The following IGSF9B variants were observed in gnomAD, a reference collection of about 807,000 sequenced individuals.
The protein encoded by IGSF9B is immunoglobulin superfamily member 9B, also known as protein turtle homolog B.
In IGSF9B, 48 loss-of-function variants were observed where a neutral mutation model predicts 143.7. The ratio of observed to expected loss-of-function variants is 0.33; its 90% CI spans 0.26 to 0.42. IGSF9B has a LOEUF of 0.42. Among genes scored for constraint, IGSF9B ranks in the 20% least tolerant of loss-of-function variants. The pLI, the probability that IGSF9B is intolerant of heterozygous loss-of-function variation, is 1.00. For missense variants in IGSF9B, 1,706 were observed against 1,980.0 expected (o/e 0.86, Z 2.63); for synonymous variants, 903 against 833.1 (o/e 1.08, Z -1.44).
At chr11:133,915,989 C>T (rs1009517351) in intron 18 of IGSF9B, among the ~76,000 whole-genome samples, 5 of 152,226 alleles carry the variant, frequency 3.3e-5, no homozygotes, top group African/African-American at 1.2e-4. Context: ...CGGACTCAGA[C>T]CAGTGCTCTG....
At position 133,931,383 on chromosome 11, in the gene IGSF9B, T is replaced by TC. The variant is rs34197169; in HGVS notation, c.1368+69dup. 8.5e-7 allele frequency: 1 copy of TC among 1,169,942 alleles called. No individual in the cohort carries two copies. The highest frequency in any genetic ancestry group is 1.4e-5 in the South Asian group (1 of 72,958). 72.5% of individuals were successfully genotyped at this position (1,169,942 alleles called of 1,614,324 possible). The stretch of plus-strand genomic sequence containing the variant: ...CCGGGGCTCGCTGGGCCCTCAAACC[T>TC]CCCCGCAGCCCCAGGGCTCCCTGGG... On this transcript the variant is annotated intron_variant, in intron 10 of 19. Transcript: ENST00000533871. The surrounding 1 kb of genome is among the most constrained non-coding windows in gnomAD (Gnocchi z 7.7).
At chr11:133,952,060 G>T (rs767687735) in intron 1 of IGSF9B, 2 of 455,608 alleles carry the variant, frequency 4.4e-6, no homozygotes. Context: ...TCTCAGAAAG[G>T]ACAGTCAGGC....
rs1939488779 is a variant in IGSF9B, at chr11:133,920,078, G to A, written c.3647C>T (p.Pro1216Leu). 2 of 1,533,412 alleles carry A rather than the reference G, an allele frequency of 1.3e-6. No individual in the cohort carries two copies. Among genetic ancestry groups the A allele is most frequent in the African/African-American group, 2.8e-5 (2 of 72,098 alleles). The allele number at this position is 1,533,412 out of a possible 1,614,324, so 95.0% of individuals were successfully genotyped here. A position where few individuals can be genotyped will look rare whatever the true frequency, so the allele number is the denominator to read the frequency against. ...AGGCCGGGCACGGGCGGCGAGCTCA[G>A]GGGAGCCGGTGCGGGAGCTGAGGGG... ...QSPLSSRTGS[P>L]ELAARARPRP... is the part of the protein sequence containing the mutation. Residue 1216 changes from proline to leucine, a missense_variant, in exon 18 of 20, where the codon CCT (proline) becomes CTT (leucine). Pro to Leu is a moderately conservative substitution (Grantham distance 98, BLOSUM62 -3). Coordinates refer to ENST00000533871, the MANE Select transcript of IGSF9B (RefSeq NM_001277285.4).
At position 133,931,171 on chromosome 11, in the gene IGSF9B, G is replaced by A; in HGVS notation, c.1369-37C>T. 6.3e-7 allele frequency: 1 copy of A among 1,593,226 alleles called. No individual in the cohort carries two copies. The highest frequency in any genetic ancestry group is 8.6e-7 in the Non-Finnish European group (1 of 1,167,216). Reference sequence around the variant, plus strand: ...AGGGGCAGGGAAGAGGGTGGGAACAGAAATGGGGGTTAGGAGAGAAGCCCG... The same window carrying A: ...AGGGGCAGGGAAGAGGGTGGGAACAAAAATGGGGGTTAGGAGAGAAGCCCG... On this transcript the variant is annotated intron_variant, in intron 10 of 19. Transcript: ENST00000533871. This position sits in a 1 kb window ranked among gnomAD's most constrained non-coding sequence, Gnocchi z 7.7.
At chr11:133,946,013 C>A in intron 2 of IGSF9B, 48 bp downstream of exon 2, 1 of 1,337,270 alleles carries the variant, frequency 7.5e-7, no homozygotes, top group Non-Finnish European at 1.0e-6. Flanking sequence ...CACCGAGGAG[C>A]TGACTCCAGC....
At chr11:133,950,101 T>C (rs1456856664) in intron 1 of IGSF9B, among the ~76,000 whole-genome samples, 1 of 152,178 alleles carries the variant, frequency 6.6e-6, no homozygotes, top group African/African-American at 2.4e-5. Flanking sequence ...TGGTACCCAG[T>C]GGGTGGCTGA....
rs976504708 is a variant in IGSF9B at position 133,953,464 on chromosome 11, A to T, written c.64+3227T>A. Among the ~76,000 whole-genome samples, 1 of 152,170 alleles carries T rather than the reference A, an allele frequency of 6.6e-6. No individual in the cohort carries two copies. The highest frequency in any genetic ancestry group is 1.5e-5 in the Non-Finnish European group (1 of 68,032). On this transcript the variant is annotated intron_variant, in intron 1 of 19. Transcript: ENST00000533871. The surrounding 1 kb of genome is among the most constrained non-coding windows in gnomAD (Gnocchi z 4.2). Reference sequence around the variant, plus strand: ...CAGCCACTGACCACTTCCTGAGTGAAGTCCTTCTCAGCCGATAGGCTCACC... The same window carrying T: ...CAGCCACTGACCACTTCCTGAGTGATGTCCTTCTCAGCCGATAGGCTCACC...
At chr11:133,919,535 GGGC>G (rs1350996321) in intron 18 of IGSF9B, among the ~76,000 whole-genome samples, 2 of 152,200 alleles carry the variant, frequency 1.3e-5, no homozygotes, top group Non-Finnish European at 2.9e-5. Context: ...GCTCCCGGCA[GGGC>G]ACCTGGGCAG....
At chr11:133,910,393 A>C (rs1174458578) in intron 19 of IGSF9B, among the ~76,000 whole-genome samples, 3 of 152,196 alleles carry the variant, frequency 2.0e-5, no homozygotes, top group African/African-American at 7.2e-5. Context: ...CAGAGTTAGC[A>C]ATAGAGACAA....
intron 18 of IGSF9B, among the ~76,000 whole-genome samples, chr11:133,919,280 G>A (rs1452862266): frequency 6.6e-6 from 1 of 152,176 alleles, no homozygotes; most frequent in Non-Finnish European, 1.5e-5. Context: ...GTGGTCTGGA[G>A]AAGTCAGGCT....
intron 18 of IGSF9B, chr11:133,918,951 G>A (rs1939449505): frequency 4.3e-6 from 2 of 466,892 alleles, no homozygotes; most frequent in Admixed American, 2.3e-5. Context: ...GGGGCAGGGG[G>A]AGGAGGAGCG....
In IGSF9B at chr11:133,913,928, G is replaced by A. The variant is rs190659275; in HGVS notation, c.3984-1921C>T. On this transcript the variant is annotated intron_variant, in intron 18 of 19. Coordinates refer to ENST00000533871, the MANE Select transcript of IGSF9B (RefSeq NM_001277285.4). The surrounding 1 kb of genome is among the most constrained non-coding windows in gnomAD (Gnocchi z 4.6). Reference sequence around the variant, plus strand: ...AGGAGGACCACACAGGGTGAGCGACGTGTGGTCAGGGAGGCGCATGACCGG... The same window carrying A: ...AGGAGGACCACACAGGGTGAGCGACATGTGGTCAGGGAGGCGCATGACCGG... Among the ~76,000 whole-genome samples, 2 of 152,200 alleles carry A rather than the reference G, an allele frequency of 1.3e-5. No individual in the cohort carries two copies. Among genetic ancestry groups the A allele is most frequent in the Non-Finnish European group, 2.9e-5 (2 of 68,044 alleles).
At chr11:133,944,781 G>A (rs1369946037) in intron 2 of IGSF9B, among the ~76,000 whole-genome samples, 1 of 152,160 alleles carries the variant, frequency 6.6e-6, no homozygotes, top group Non-Finnish European at 1.5e-5. Context: ...GCGCACCCGG[G>A]AGCACCTCCA....
chr11:133,927,985 G>T (rs972237931), intron 12 of IGSF9B, among the ~76,000 whole-genome samples: 1 of 152,216 alleles, frequency 6.6e-6, no homozygotes, highest in Non-Finnish European at 1.5e-5. Context: ...GAGGCAGGCA[G>T]AAAGAAAGGA....
At chr11:133,919,020 G>A (rs751412549) in intron 18 of IGSF9B, 8 of 492,634 alleles carry the variant, frequency 1.6e-5, no homozygotes, top group Non-Finnish European at 3.3e-5. Flanking sequence ...CCAGGCCCTG[G>A]TACCTGGAAT....
At position 133,908,723 on chromosome 11, in the gene IGSF9B, C is replaced by G. The variant is rs1213410330; in HGVS notation, c.*346G>C. ...AGGACTTGAAAAACTGAAACAGAAG[C>G]AGAGAGCAGTAAAAGCCATTGCTTT... On this transcript the variant is annotated 3_prime_UTR_variant, in exon 20 of 20. Transcript: ENST00000533871. 1 of 237,200 alleles carries G rather than the reference C, an allele frequency of 4.2e-6. No homozygotes were observed. Among genetic ancestry groups the G allele is most frequent in the Non-Finnish European group, 8.3e-6 (1 of 120,900 alleles). The allele number at this position is 237,200 out of a possible 1,614,324, so 14.7% of individuals were successfully genotyped here.
intron 1 of IGSF9B, among the ~76,000 whole-genome samples, chr11:133,956,103 G>A (rs1940247536): frequency 6.6e-6 from 1 of 152,148 alleles, no homozygotes; most frequent in East Asian, 1.9e-4. Context: ...CTCACCGGGC[G>A]CCCCTGCTAG....
chr11:133,955,180 G>A (rs998803967), intron 1 of IGSF9B, among the ~76,000 whole-genome samples: 4 of 152,116 alleles, frequency 2.6e-5, no homozygotes, highest in African/African-American at 9.7e-5. Flanking sequence ...AGGAAATGGG[G>A]GAGAGGATGA....
chr11:133,949,282 C>A (rs1225182297), intron 1 of IGSF9B, among the ~76,000 whole-genome samples: 1 of 152,100 alleles, frequency 6.6e-6, no homozygotes, highest in Non-Finnish European at 1.5e-5. Flanking sequence ...TTTCTGGATC[C>A]TAGAATATTT....
Sources: allele counts gnomAD v4.1 joint callset (sites outside exome capture counted in the v4.1 genomes callset), GRCh38; gene constraint gnomAD v4.1.1; non-coding constraint Gnocchi (gnomAD v3.1); transcripts MANE v1.5; gene names NCBI Gene and HGNC (gene_info 2026-07-23, HGNC 2026-07-21).